SLC25A13: variants seen among roughly 807,000 people sequenced by gnomAD.
The protein encoded by SLC25A13 is solute carrier family 25 member 13, also known as electrogenic aspartate/glutamate antiporter SLC25A13, mitochondrial.
A neutral mutation model predicts 85.5 loss-of-function variants in SLC25A13; 70 were observed. That is an observed-to-expected ratio of 0.82 (90% confidence interval 0.68 to 1.00). The LOEUF is 1.00. Ranked by LOEUF, SLC25A13 falls within the 50% of genes least tolerant of loss-of-function variation. SLC25A13 has a pLI of 0.00. For missense variants in SLC25A13, 765 were observed against 819.8 expected, an observed-to-expected ratio of 0.93 and a Z score of 0.82; for synonymous variants, 259 against 288.7, an observed-to-expected ratio of 0.90 and a Z score of 1.04.
intron 1 of SLC25A13, among the ~76,000 whole-genome samples, chr7:96,312,243 T>C (rs1409807173): frequency 6.6e-6 from 1 of 152,166 alleles, no homozygotes; most frequent in Non-Finnish European, 1.5e-5. Flanking sequence ...TCTCTGTACC[T>C]CAAAGAACTT....
At chr7:96,205,526 A>G (rs1458613713) in intron 5 of SLC25A13, among the ~76,000 whole-genome samples, 1 of 152,218 alleles carries the variant, frequency 6.6e-6, no homozygotes, top group African/African-American at 2.4e-5. Context: ...GGGGTAAGAG[A>G]AATGTGACCC....
intron 15 of SLC25A13, among the ~76,000 whole-genome samples, chr7:96,123,894 A>G (rs1056720995): frequency 1.3e-5 from 2 of 152,228 alleles, no homozygotes; most frequent in African/African-American, 4.8e-5. Context: ...CTGGATTCCA[A>G]AAGGCTAAGC....
At position 96,291,417 on chromosome 7, in the gene SLC25A13, A is replaced by G. The variant is rs569719467; in HGVS notation, c.69+5481T>C. Among the ~76,000 whole-genome samples the G allele has an allele frequency of 2.0e-5, 3 of 152,348 alleles. No individual in the cohort carries two copies. In the East Asian group the frequency reaches 5.8e-4, roughly 29 times the overall value. ...TTGAAAAGCTAGCAGAAGGCAAGAAATAACTAAGATCAGAGCAGAACTGAA... is the reference window on the plus strand; with the variant it reads ...TTGAAAAGCTAGCAGAAGGCAAGAAGTAACTAAGATCAGAGCAGAACTGAA... On this transcript the variant is annotated intron_variant, in intron 2 of 17. Transcript: ENST00000265631.
chr7:96,261,479 A>G (rs997923887), intron 3 of SLC25A13, among the ~76,000 whole-genome samples: 1 of 152,178 alleles, frequency 6.6e-6, no homozygotes, highest in African/African-American at 2.4e-5. Context: ...AAAATTTCTG[A>G]CAATTAAGTT....
At chr7:96,193,271 G>A (rs1039726821) in intron 5 of SLC25A13, 88 bp from the exon 6 acceptor site, 14 of 1,498,336 alleles carry the variant, frequency 9.3e-6, no homozygotes, top group Non-Finnish European at 8.2e-6. Context: ...TCAGACTGAA[G>A]AAAGAGAGTT....
intron 1 of SLC25A13, among the ~76,000 whole-genome samples, chr7:96,319,193 C>A (rs1800239436): frequency 6.6e-6 from 1 of 152,140 alleles, no homozygotes; most frequent in Non-Finnish European, 1.5e-5. Flanking sequence ...CCTTATGTAA[C>A]CCACAGACAT....
At chr7:96,147,812 T>C (rs1792865579) in intron 13 of SLC25A13, among the ~76,000 whole-genome samples, 1 of 152,160 alleles carries the variant, frequency 6.6e-6, no homozygotes, top group Non-Finnish European at 1.5e-5. Context: ...TAAGTAAAAA[T>C]GCTCATATGT....
chr7:96,189,248 CCTG>C, intron 9 of SLC25A13, 43 bp downstream of exon 9: 2 of 1,558,852 alleles, frequency 1.3e-6, no homozygotes, highest in South Asian at 2.3e-5. Flanking sequence ...GTTGGGGTAT[CCTG>C]CTAAGGAAAC....
chr7:96,283,818 TTAAAAAAAAAAAA>T (rs1481255669), intron 2 of SLC25A13: 62 of 87,012 alleles, frequency 7.1e-4, no homozygotes, highest in South Asian at 2.1e-3. Context: ...AAATAGGTGT[TTAAAAAAAAAAAA>T]AAAAAAAAAA....
chr7:96,293,236 T>G (rs1283301240), intron 2 of SLC25A13, among the ~76,000 whole-genome samples: 1 of 152,094 alleles, frequency 6.6e-6, no homozygotes, highest in African/African-American at 2.4e-5. Context: ...ATGTAGAAAG[T>G]TGAAACTGGA....
chr7:96,127,266 T>A (rs1007845194), intron 15 of SLC25A13, among the ~76,000 whole-genome samples: 3 of 152,224 alleles, frequency 2.0e-5, no homozygotes, highest in Non-Finnish European at 4.4e-5. Flanking sequence ...TAATTAGAAT[T>A]TGATTTCTTA....
At chr7:96,217,658 T>C (rs1413472051) in intron 4 of SLC25A13, among the ~76,000 whole-genome samples, 10 of 152,186 alleles carry the variant, frequency 6.6e-5, no homozygotes, top group Non-Finnish European at 7.3e-5. Context: ...ATTCCATTTA[T>C]ATGAAATGTC....
chr7:96,279,493 G>A (rs929834916), intron 2 of SLC25A13, among the ~76,000 whole-genome samples: 1 of 152,164 alleles, frequency 6.6e-6, no homozygotes, highest in Non-Finnish European at 1.5e-5. Context: ...TAACATGGCG[G>A]TAGGCAAGAG....
At chr7:96,234,257 A>G (rs2116813442) in intron 4 of SLC25A13, among the ~76,000 whole-genome samples, 1 of 152,308 alleles carries the variant, frequency 6.6e-6, no homozygotes, top group East Asian at 1.9e-4. Flanking sequence ...TGCAAAATAA[A>G]GAAGGCCACA....
intron 3 of SLC25A13, among the ~76,000 whole-genome samples, chr7:96,239,385 C>CATAT (rs375615042): frequency 6.7e-6 from 1 of 149,186 alleles, no homozygotes; most frequent in Admixed American, 6.7e-5. Flanking sequence ...TATGTATATA[C>CATAT]ATATATATAT....
At position 96,160,584 on chromosome 7, in the gene SLC25A13, G is replaced by A. The variant is rs368505249; in HGVS notation, c.1311+9461C>T. Among the ~76,000 whole-genome samples the A allele has an allele frequency of 2.7e-4, 41 of 152,312 alleles. No individual in the cohort carries two copies. In the East Asian group the frequency reaches 5.8e-3, roughly 22 times the overall value. On this transcript the variant is annotated intron_variant, in intron 13 of 17. Coordinates refer to ENST00000265631, the MANE Select transcript of SLC25A13 (RefSeq NM_014251.3). ...ACTGTGTCCTCACATGGAGGAAGGA[G>A]TGGGGACCTCCCTGGGATCCCTTTT...
chr7:96,278,111 T>C (rs1278311737), intron 2 of SLC25A13, among the ~76,000 whole-genome samples: 2 of 152,172 alleles, frequency 1.3e-5, no homozygotes, highest in African/African-American at 4.8e-5. Flanking sequence ...CCAGCCTGGA[T>C]AAGAGAGAGC....
intron 4 of SLC25A13, among the ~76,000 whole-genome samples, chr7:96,222,802 T>C (rs1796183275): frequency 6.6e-6 from 1 of 152,334 alleles, no homozygotes; most frequent in South Asian, 2.1e-4. Context: ...TACAGAAAAA[T>C]GTATTTTCCA....
At position 96,184,282 on chromosome 7, in the gene SLC25A13, T is replaced by C. The variant is rs774850623; in HGVS notation, c.1172A>G (p.Tyr391Cys). 1.9e-6 allele frequency: 3 copies of C among 1,614,168 alleles called. No individual in the cohort carries two copies. The highest frequency in any genetic ancestry group is 2.5e-6 in the Non-Finnish European group (3 of 1,180,012). The change falls in exon 11 of 18, where the codon TAT becomes TGT. Residue 391 changes from tyrosine (Y) to cysteine (C), a missense_variant. Tyr to Cys is a radical substitution (Grantham distance 194, BLOSUM62 -2). Transcript: ENST00000265631. Reference sequence around the variant, plus strand: ...ATTGAGCATGTGGCACTAACCTCTATACAGTCCAAAGAAGCCTTCATAGCG... The same window carrying C: ...ATTGAGCATGTGGCACTAACCTCTACACAGTCCAAAGAAGCCTTCATAGCG... The part of the protein sequence containing the change: ...VLRYEGFFGL[Y>C]RGLLPQLLGV...
Sources: gnomAD v4.1 joint callset for allele counts (sites outside exome capture counted in the v4.1 genomes callset) on GRCh38, gnomAD v4.1.1 for gene constraint, MANE v1.5 for transcripts, NCBI Gene and HGNC (gene_info 2026-07-23, HGNC 2026-07-21) for gene names.